Variants in ZW10 observed in about 807,000 individuals in gnomAD.
The protein encoded by ZW10 is centromere/kinetochore protein zw10 homolog.
A neutral mutation model predicts 87.8 loss-of-function variants in ZW10; 53 were observed. The observed-to-expected ratio is 0.60, with a 90% CI of 0.48 to 0.76. The LOEUF (loss-of-function observed/expected upper bound fraction) is 0.76, where lower values mean the gene tolerates loss of function less well. Ranked by LOEUF, ZW10 falls within the 30% of genes least tolerant of loss-of-function variation. The probability of loss-of-function intolerance (pLI) is 0.00; values close to 1 mark genes in which losing one functional copy is unlikely to be tolerated. For synonymous variants in ZW10, 312 were observed against 329.2 expected (o/e 0.95, Z 0.57); for missense variants, 837 against 923.0 (o/e 0.91, Z 1.21).
chr11:113,757,729 A>G lies in ZW10; in HGVS notation c.858T>C (p.Tyr286=), dbSNP rs1953806225. 6.2e-7 allele frequency: 1 copy of G among 1,613,348 alleles called. No individual in the cohort carries two copies. Among genetic ancestry groups the G allele is most frequent in the African/African-American group, 1.3e-5 (1 of 74,922 alleles). Residue 286 remains tyrosine, a synonymous_variant, in exon 7 of 16, where the codon TAT becomes TAC. Transcript: ENST00000200135. ...TTGTAAAAACTTCAGATGGTGATGG[A>G]TATTCCAAGTTAGTCATTATAGATT... ...RFESIMTNLE[Y]PSPSEVFTKI...
At chr11:113,748,666 A>G (rs533250354) in intron 7 of ZW10, among the ~76,000 whole-genome samples, 1 of 152,362 alleles carries the variant, frequency 6.6e-6, no homozygotes, top group South Asian at 2.1e-4. Flanking sequence ...GTATTAAGCC[A>G]TCTACATTAT....
chr11:113,734,075 G>T (rs1046079188), intron 15 of ZW10, among the ~76,000 whole-genome samples: 4 of 152,136 alleles, frequency 2.6e-5, no homozygotes, highest in Non-Finnish European at 4.4e-5. Context: ...CTATACCAAG[G>T]CCTCTTTGAA....
At chr11:113,758,360 A>T (rs1321280073) in intron 6 of ZW10, among the ~76,000 whole-genome samples, 194 bp downstream of exon 6, 1 of 114,056 alleles carries the variant, frequency 8.8e-6, no homozygotes, top group Non-Finnish European at 1.8e-5. Flanking sequence ...AAAAAAAAAT[A>T]GGAACAGTTG....
rs1953843987 is a variant in ZW10, at chr11:113,760,328, A to T, written c.461T>A (p.Phe154Tyr). 1 of 1,614,034 alleles carries T rather than the reference A, an allele frequency of 6.2e-7. No individual in the cohort carries two copies. The highest frequency in any genetic ancestry group is 8.5e-7 in the Non-Finnish European group (1 of 1,179,996). ...CLKLLKSRKC[F>Y]DLKILKSLSM... is the part of the protein sequence containing the mutation. ...GAGAGATTTCAATATTTTTAAATCA[A>T]AGCATTTTCTGGATTTTAATAACTT... Residue 154 changes from phenylalanine to tyrosine, a missense_variant, in exon 5 of 16, where the codon TTT becomes TAT. Physicochemically the swap from Phe to Tyr is conservative, Grantham distance 22. Transcript: ENST00000200135.
At chr11:113,767,239 A>AT (rs1415490217) in intron 2 of ZW10, among the ~76,000 whole-genome samples, 50 of 148,464 alleles carry the variant, frequency 3.4e-4, no homozygotes, top group Middle Eastern at 6.8e-3. Flanking sequence ...CTTTTTATTT[A>AT]TTTTTTTTTA....
chr11:113,733,707 G>C lies in ZW10; in HGVS notation c.2327C>G (p.Ala776Gly), dbSNP rs1565277610. 2.5e-6 allele frequency: 4 copies of C among 1,613,914 alleles called. No individual in the cohort carries two copies. Among genetic ancestry groups the C allele is most frequent in the Non-Finnish European group, 3.4e-6 (4 of 1,180,012 alleles). Residue 776 changes from alanine to glycine, a missense_variant, in exon 16 of 16, where the codon GCT becomes GGT. Coordinates refer to ENST00000200135, the MANE Select transcript of ZW10 (RefSeq NM_004724.4). ...QNTERRAAALAKIK is the reference protein window; with the variant it reads ...QNTERRAAALGKIK ...AAGAAGATGGAGCTATTTAATTTTA[G>C]CAAGGGCAGCTGCTCTTCTTTCTGT...
chr11:113,746,513 A>AAAC (rs1406721849), intron 9 of ZW10, among the ~76,000 whole-genome samples: 2 of 129,796 alleles, frequency 1.5e-5, no homozygotes, highest in African/African-American at 2.6e-5. Flanking sequence ...AAAAAAAAAA[A>AAAC]AACAACAACA....
intron 1 of ZW10, among the ~76,000 whole-genome samples, chr11:113,769,266 A>G (rs1469960068): frequency 6.6e-6 from 1 of 152,124 alleles, no homozygotes; most frequent in African/African-American, 2.4e-5. Flanking sequence ...AAAAAGGAAG[A>G]CAATGATCAC....
chr11:113,742,096 G>A (rs1953625925), intron 10 of ZW10, among the ~76,000 whole-genome samples: 1 of 152,194 alleles, frequency 6.6e-6, no homozygotes, highest in Non-Finnish European at 1.5e-5. Flanking sequence ...TAAGCCTCAA[G>A]CAAATGTCAC....
At chr11:113,752,059 A>G (rs1469280099) in intron 7 of ZW10, among the ~76,000 whole-genome samples, 2 of 152,254 alleles carry the variant, frequency 1.3e-5, no homozygotes, top group Non-Finnish European at 2.9e-5. Context: ...TGAAAGAAAC[A>G]GAAGACAATA....
At chr11:113,751,869 CAAAAAAA>C (rs1022696288) in intron 7 of ZW10, among the ~76,000 whole-genome samples, 1 of 132,352 alleles carries the variant, frequency 7.6e-6, no homozygotes, top group Non-Finnish European at 1.6e-5. Context: ...GACTCCATCT[CAAAAAAA>C]AAAAAAGAGA....
At chr11:113,739,083 G>T in intron 12 of ZW10, 130 bp downstream of exon 12, 1 of 934,154 alleles carries the variant, frequency 1.1e-6, no homozygotes, top group Non-Finnish European at 1.6e-6. Flanking sequence ...CAAATTAAAT[G>T]CCCTCCCACT....
intron 2 of ZW10, 60 bp downstream of exon 2, chr11:113,768,773 G>C: frequency 6.3e-7 from 1 of 1,580,742 alleles, no homozygotes; most frequent in Non-Finnish European, 8.6e-7. Context: ...AGCTGTCTTA[G>C]CAATCAGGAA....
chr11:113,748,217 AC>A, intron 8 of ZW10, 39 bp downstream of exon 8: 1 of 1,533,096 alleles, frequency 6.5e-7, no homozygotes, highest in Non-Finnish European at 8.8e-7. Flanking sequence ...ATAAGAAACA[AC>A]AGTGTCTTAA....
At chr11:113,760,028 G>A (rs990070737) in intron 5 of ZW10, among the ~76,000 whole-genome samples, 181 bp downstream of exon 5, 7 of 152,180 alleles carry the variant, frequency 4.6e-5, no homozygotes, top group Non-Finnish European at 1.0e-4. Flanking sequence ...CAAGGTGAGG[G>A]CACTTTAGGG....
At chr11:113,751,278 G>C (rs1953731690) in intron 7 of ZW10, 1 of 289,970 alleles carries the variant, frequency 3.4e-6, no homozygotes, top group African/African-American at 2.2e-5. Context: ...ACAGCTGCTG[G>C]TGACCTATCT....
intron 10 of ZW10, among the ~76,000 whole-genome samples, chr11:113,742,558 G>A (rs1458402731): frequency 6.6e-6 from 1 of 152,112 alleles, no homozygotes; most frequent in African/African-American, 2.4e-5. Context: ...CTGTGGTTTT[G>A]TTTGTCCTGT....
chr11:113,737,776 AT>A, intron 13 of ZW10, 73 bp from the exon 14 acceptor site: 1 of 1,491,474 alleles, frequency 6.7e-7, no homozygotes, highest in East Asian at 2.3e-5. Flanking sequence ...TACATTTATC[AT>A]TTGTGAGTTC....
At chr11:113,753,530 T>A (rs1407059859) in intron 7 of ZW10, among the ~76,000 whole-genome samples, 1 of 152,162 alleles carries the variant, frequency 6.6e-6, no homozygotes, top group East Asian at 1.9e-4. Context: ...CTCAGCCTCC[T>A]GAGCAGCTTG....
Sources: allele counts gnomAD v4.1 joint callset (sites outside exome capture counted in the v4.1 genomes callset), GRCh38; gene constraint gnomAD v4.1.1; transcripts MANE v1.5; gene names NCBI Gene and HGNC (gene_info 2026-07-23, HGNC 2026-07-21).